AHNAK: variants seen among roughly 807,000 people sequenced by gnomAD.
AHNAK encodes AHNAK nucleoprotein.
Under a neutral mutation model 37.8 loss-of-function variants are expected in AHNAK, and 23 were observed. That is an observed-to-expected ratio of 0.61 (90% CI 0.44 to 0.86). AHNAK has a LOEUF of 0.86. AHNAK is among the 40% of genes least tolerant of loss of function. AHNAK has a pLI of 0.00. For synonymous variants in AHNAK, 2,481 were observed against 2,636.3 expected (o/e 0.94, Z 1.80); for missense variants, 7,411 against 7,319.4 (o/e 1.01, Z -0.46).
chr11:62,443,425 A>T (rs1012926983), intron 5 of AHNAK, among the ~76,000 whole-genome samples: 5 of 151,366 alleles, frequency 3.3e-5, no homozygotes, highest in African/African-American at 1.2e-4. Flanking sequence ...GGCATGCACC[A>T]CCACGCCTGG....
intron 4 of AHNAK, among the ~76,000 whole-genome samples, chr11:62,494,176 A>G (rs1939566046): frequency 6.6e-6 from 1 of 152,124 alleles, no homozygotes; most frequent in African/African-American, 2.4e-5. Flanking sequence ...CATCTCACTG[A>G]TTCTTCTTTC....
At chr11:62,501,720 T>A (rs918953847) in intron 4 of AHNAK, among the ~76,000 whole-genome samples, 1 of 152,180 alleles carries the variant, frequency 6.6e-6, no homozygotes, top group African/African-American at 2.4e-5. Context: ...GCCCAGCAAA[T>A]ACACAGGGCT....
Position 62,525,683 on chromosome 11 carries a change from G to A in AHNAK, c.8734C>T (p.Pro2912Ser), listed in dbSNP as rs369247690. 4.6e-5 allele frequency: 75 copies of A among 1,612,934 alleles called. 1 individual carries two copies. The highest frequency in any genetic ancestry group is 1.7e-4 in the Middle Eastern group (1 of 6,056). The stretch of plus-strand genomic sequence containing the variant: ...TTGGGCAGGTTCACATCCACTTCAG[G>A]GCCCTCTGCTTTGAAGCCAGGCATG... The part of the protein sequence containing the change: ...FSMPGFKAEG[P>S]EVDVNLPKAD... The change falls in exon 5 of 5, where the codon CCT (proline) becomes TCT (serine). Residue 2912 changes from proline (P) to serine (S), a missense_variant. Pro to Ser is a moderately conservative substitution (Grantham distance 74). Transcript: ENST00000378024.
At chr11:62,515,133 T>C (rs1363459505), downstream of AHNAK, among the ~76,000 whole-genome samples, 1 of 152,076 alleles carries the variant, frequency 6.6e-6, no homozygotes, top group African/African-American at 2.4e-5. Flanking sequence ...TCAACAGAGC[T>C]GGAAATCAAA....
Position 62,523,884 on chromosome 11 carries a change from G to A in AHNAK, c.10533C>T (p.Asn3511=), listed in dbSNP as rs761406216. ...GDINIEGPSM[N]IEGPDLNVEG... is the part of the protein sequence containing the mutation. ...CCACATTGAGATCTGGGCCCTCAAT[G>A]TTCATACTTGGGCCCTCTATGTTGA... The change falls in exon 5 of 5, where the codon AAC becomes AAT. Residue 3511 remains asparagine, a synonymous_variant. Transcript: ENST00000378024. 3.7e-6 allele frequency: 6 copies of A among 1,614,054 alleles called. No homozygotes were observed. The East Asian group carries it at 6.7e-5, about 18-fold the overall frequency.
In AHNAK at chr11:62,526,957, A is replaced by C. The variant is rs753069158; in HGVS notation, c.7460T>G (p.Met2487Arg). 2.5e-6 allele frequency: 4 copies of C among 1,614,060 alleles called. No homozygotes were observed. The highest frequency in any genetic ancestry group is 3.4e-6 in the Non-Finnish European group (4 of 1,180,024). ...EVEGKLEVPD[M>R]NIRGPKVDVN... ...ATCAACTTTGGGGCCCCTGATGTTC[A>C]TATCTGGTACTTCAAGTTTACCTTC... The change falls in exon 5 of 5, where the codon ATG becomes AGG. Residue 2487 changes from methionine to arginine, a missense_variant. Transcript: ENST00000378024.
Position 62,522,950 on chromosome 11 carries a change from C to T in AHNAK, c.11467G>A (p.Asp3823Asn), listed in dbSNP as rs371787684. ...SMPGFKGEGP[D>N]VDVNLPKADL... Reference sequence around the variant, plus strand: ...GCCTTGGGCAGGTTCACATCCACATCTGGGCCCTCTCCTTTGAAGCCAGGC... The same window carrying T: ...GCCTTGGGCAGGTTCACATCCACATTTGGGCCCTCTCCTTTGAAGCCAGGC... Residue 3823 changes from aspartate to asparagine, a missense_variant, in exon 5 of 5, where the codon GAT becomes AAT. Transcript: ENST00000378024. 4 of 1,613,624 alleles carry T rather than the reference C, an allele frequency of 2.5e-6. No individual in the cohort carries two copies. Among genetic ancestry groups the T allele is most frequent in the Non-Finnish European group, 3.4e-6 (4 of 1,179,974 alleles).
intron 5 of AHNAK, among the ~76,000 whole-genome samples, chr11:62,454,634 A>T (rs1187858108): frequency 2.0e-5 from 3 of 152,120 alleles, no homozygotes; most frequent in Non-Finnish European, 4.4e-5. Flanking sequence ...ATTATGGGGT[A>T]AGGAGATGTC....
chr11:62,518,070 T>G lies in AHNAK; in HGVS notation c.16347A>C (p.Ala5449=). The change falls in exon 5 of 5, where the codon GCA becomes GCC. Residue 5449 remains alanine, a synonymous_variant. Transcript: ENST00000378024. ...CTTCCAAGTTAAAGTCCACATTCGG[T>G]GCTGAAATCCGAGGCCCTTTCAGGT... ...DVNLKGPRIS[A]PNVDFNLEGP... is the part of the protein sequence containing the mutation. The G allele has an allele frequency of 6.2e-7, 1 of 1,614,168 alleles. No homozygotes were observed. Among genetic ancestry groups the G allele is most frequent in the Non-Finnish European group, 8.5e-7 (1 of 1,180,024 alleles).
Position 62,523,741 on chromosome 11 carries a change from C to T in AHNAK, c.10676G>A (p.Gly3559Asp). 4 of 1,613,764 alleles carry T rather than the reference C, an allele frequency of 2.5e-6. No individual in the cohort carries two copies. Among genetic ancestry groups the T allele is most frequent in the Non-Finnish European group, 3.4e-6 (4 of 1,179,944 alleles). Residue 3559 changes from glycine to aspartate, a missense_variant, in exon 5 of 5, where the codon GGT (glycine) becomes GAT (aspartate). Gly to Asp is a moderately conservative substitution (Grantham distance 94). Transcript: ENST00000378024. ...DLNLKGPKVKGDVDISLPKLE... is the reference protein window; with the variant it reads ...DLNLKGPKVKDDVDISLPKLE... Reference sequence around the variant, plus strand: ...TTTGGGAAGAGAAATATCCACATCACCTTTCACCTTGGGGCCTTTCAAGTT... The same window carrying T: ...TTTGGGAAGAGAAATATCCACATCATCTTTCACCTTGGGGCCTTTCAAGTT...
rs906803280 is a variant in AHNAK, at chr11:62,446,245, A to G, written c.443-12354T>C. Among the ~76,000 whole-genome samples, 10 of 152,272 alleles carry G rather than the reference A, an allele frequency of 6.6e-5. No individual in the cohort carries two copies. In the South Asian group the frequency reaches 2.1e-3, roughly 32 times the overall value. On this transcript the variant is annotated intron_variant, in intron 5 of 5. Coordinates refer to the AHNAK transcript ENST00000257247. ...GGGCGCCAAAGAAGCCTAGCCTGTAAGTGCTTGACCAGGACCTGAACCTGG... is the reference window on the plus strand; with the variant it reads ...GGGCGCCAAAGAAGCCTAGCCTGTAGGTGCTTGACCAGGACCTGAACCTGG...
Position 62,532,855 on chromosome 11 carries a change from G to A in AHNAK, c.1562C>T (p.Ser521Phe). Residue 521 changes from serine (S) to phenylalanine (F), a missense_variant, in exon 5 of 5, where the codon TCT (serine) becomes TTT (phenylalanine). Physicochemically the swap from Ser to Phe is radical, Grantham distance 155 (BLOSUM62 -2). Coordinates refer to ENST00000378024, the MANE Select transcript of AHNAK (RefSeq NM_001620.3). ...AACATCACCTTGCACCCCAGGAGCA[G>A]AAACCTTAATATCTCCTTTCAGTTT... ...SPKLKGDIKV[S>F]APGVQGDVKG... 1.2e-6 allele frequency: 2 copies of A among 1,614,096 alleles called. No individual in the cohort carries two copies. The highest frequency in any genetic ancestry group is 1.6e-4 in the Middle Eastern group (1 of 6,062).
At chr11:62,539,221 C>T (rs930798870) in intron 1 of AHNAK, among the ~76,000 whole-genome samples, 16 of 152,226 alleles carry the variant, frequency 1.1e-4, no homozygotes, top group African/African-American at 3.9e-4. Flanking sequence ...AGGAGCCAGC[C>T]CTGCAGAAAA....
intron 5 of AHNAK, among the ~76,000 whole-genome samples, chr11:62,438,299 C>T (rs192795823): frequency 3.3e-5 from 5 of 150,452 alleles, no homozygotes; most frequent in Admixed American, 1.3e-4. Flanking sequence ...TCTCCTGCCT[C>T]GGACTCCCGA....
chr11:62,435,660 A>C (rs1028492507), intron 5 of AHNAK, among the ~76,000 whole-genome samples: 2 of 152,048 alleles, frequency 1.3e-5, no homozygotes, highest in African/African-American at 4.8e-5. Flanking sequence ...TGATCCGCCC[A>C]CCTCGGCCTC....
intron 5 of AHNAK, among the ~76,000 whole-genome samples, chr11:62,466,042 G>A (rs991198955): frequency 6.6e-6 from 1 of 152,104 alleles, no homozygotes; most frequent in Admixed American, 6.6e-5. Flanking sequence ...AGCCTGGGCC[G>A]GGTGTGGTGG....
Position 62,517,207 on chromosome 11 carries a change from G to T in AHNAK, c.17210C>A (p.Ser5737Tyr), listed in dbSNP as rs778764748. The T allele has an allele frequency of 8.1e-6, 13 of 1,614,122 alleles. No homozygotes were observed. Among genetic ancestry groups the T allele is most frequent in the Non-Finnish European group, 6.8e-6 (8 of 1,180,042 alleles). ...ACTTTTCAGGTCACCTTTGGACCCA[G>T]AAATTGATGCTTCTGGTGAGCCAGT... ...GVTGSPEASI[S>Y]GSKGDLKSSK... The change falls in exon 5 of 5, where the codon TCT becomes TAT. Residue 5737 changes from serine to tyrosine, a missense_variant. Ser to Tyr is a moderately radical substitution (Grantham distance 144). Coordinates refer to ENST00000378024, the MANE Select transcript of AHNAK (RefSeq NM_001620.3).
At chr11:62,495,488 T>G (rs1339989983) in intron 4 of AHNAK, among the ~76,000 whole-genome samples, 2 of 151,992 alleles carry the variant, frequency 1.3e-5, no homozygotes, top group Non-Finnish European at 2.9e-5. Flanking sequence ...ATCCCAGCAC[T>G]TTGGGAGGCC....
rs771105960 is a variant in AHNAK at position 62,522,921 on chromosome 11, G to A, written c.11496C>T (p.Asp3832=). ...PDVDVNLPKA[D]LDVSGPKVDI... ...CCACCTTGGGTCCTGAGACATCAAG[G>A]TCAGCCTTGGGCAGGTTCACATCCA... is the stretch of plus-strand genomic sequence containing the variant. Residue 3832 remains aspartate, a synonymous_variant, in exon 5 of 5, where the codon GAC becomes GAT. Transcript: ENST00000378024. 3.1e-6 allele frequency: 5 copies of A among 1,612,962 alleles called. No homozygotes were observed. The highest frequency in any genetic ancestry group is 4.2e-6 in the Non-Finnish European group (5 of 1,179,790).
Sources: gnomAD v4.1 joint callset for allele counts (sites outside exome capture counted in the v4.1 genomes callset) on GRCh38, gnomAD v4.1.1 for gene constraint, MANE v1.5 for transcripts, NCBI Gene and HGNC (gene_info 2026-07-23, HGNC 2026-07-21) for gene names.